Variants in BLOC1S5 observed in about 807,000 individuals in gnomAD.
The protein encoded by BLOC1S5 is biogenesis of lysosome-related organelles complex 1 subunit 5.
In BLOC1S5, 27 loss-of-function variants were observed where a neutral mutation model predicts 24.3. That is an observed-to-expected ratio of 1.11 (90% CI 0.82 to 1.53). BLOC1S5 has a LOEUF of 1.53. Among genes scored for constraint, BLOC1S5 ranks in the 40% most tolerant of loss-of-function variants. BLOC1S5 has a pLI of 0.00. For missense variants in BLOC1S5, 239 were observed against 229.4 expected (o/e 1.04, Z -0.27); for synonymous variants, 84 against 74.5 (o/e 1.13, Z -0.66).
chr6:8,048,322 C>A (rs1561867401), intron 2 of BLOC1S5, among the ~76,000 whole-genome samples: 1 of 152,238 alleles, frequency 6.6e-6, no homozygotes, highest in Non-Finnish European at 1.5e-5. Flanking sequence ...GGTGTCTAAC[C>A]TCCCACTGGG....
chr6:8,027,748 C>T (rs117367603), intron 3 of BLOC1S5, among the ~76,000 whole-genome samples: 1 of 151,366 alleles, frequency 6.6e-6, no homozygotes, highest in East Asian at 2.0e-4. Flanking sequence ...CCAAGACAAT[C>T]GCTCGAACCT....
chr6:8,043,213 G>C (rs1448710166), intron 2 of BLOC1S5, among the ~76,000 whole-genome samples: 2 of 152,108 alleles, frequency 1.3e-5, no homozygotes, highest in African/African-American at 4.8e-5. Context: ...ATGAGGGTGG[G>C]TTATACTTAG....
chr6:8,057,687 T>C (rs2294435), intron 2 of BLOC1S5, among the ~76,000 whole-genome samples: 23,826 of 152,252 alleles, frequency 0.16, 1,945 homozygotes, highest in Admixed American at 0.19. Flanking sequence ...GGAGATCAAG[T>C]GAAATTCCTG....
At chr6:8,030,362 G>A (rs1205716104) in intron 3 of BLOC1S5, among the ~76,000 whole-genome samples, 2 of 151,850 alleles carry the variant, frequency 1.3e-5, no homozygotes, top group African/African-American at 4.8e-5. Context: ...GTTTTACCAT[G>A]TTGGTCAGGC....
Position 8,064,382 on chromosome 6 carries a change from C to G in BLOC1S5, c.-6G>C, listed in dbSNP as rs759319418. On this transcript the variant is annotated 5_prime_UTR_variant, in exon 1 of 5. Coordinates refer to ENST00000397457, the MANE Select transcript of BLOC1S5 (RefSeq NM_201280.3). ...TCTGTCCCTCCGCCACTCATCCCGA[C>G]CAGTTCCGCCCACCCGCGGCCACGC... 6.2e-7 allele frequency: 1 copy of G among 1,605,412 alleles called. No individual in the cohort carries two copies. Among genetic ancestry groups the G allele is most frequent in the Non-Finnish European group, 8.5e-7 (1 of 1,177,866 alleles).
At chr6:8,048,423 G>C (rs1180381364) in intron 2 of BLOC1S5, among the ~76,000 whole-genome samples, 1 of 151,910 alleles carries the variant, frequency 6.6e-6, no homozygotes, top group Non-Finnish European at 1.5e-5. Flanking sequence ...GAGAAGGCTA[G>C]GAAATATGTA....
chr6:8,062,604 A>G lies in BLOC1S5; in HGVS notation c.125T>C (p.Ile42Thr). ...TCTGTGATCCAAAAGCCTTGAATGA[A>G]TTTCTCCAAGATCTATAAAGATAAA... ...AHLIIKDLGE[I>T]HSRLLDHRPV... The change falls in exon 2 of 5, where the codon ATT (isoleucine) becomes ACT (threonine). Residue 42 changes from isoleucine to threonine, a missense_variant. Transcript: ENST00000397457. 1 of 1,597,948 alleles carries G rather than the reference A, an allele frequency of 6.3e-7. No individual in the cohort carries two copies. The highest frequency in any genetic ancestry group is 8.6e-7 in the Non-Finnish European group (1 of 1,168,924).
intron 3 of BLOC1S5, among the ~76,000 whole-genome samples, chr6:8,027,814 C>A (rs1423966659): frequency 7.3e-6 from 1 of 137,834 alleles, no homozygotes; most frequent in African/African-American, 2.6e-5. Flanking sequence ...CAGAGCGAGA[C>A]TCCATCTCAA....
intron 2 of BLOC1S5, among the ~76,000 whole-genome samples, chr6:8,053,468 T>C (rs1028677157): frequency 2.6e-5 from 4 of 152,222 alleles, no homozygotes; most frequent in Admixed American, 6.5e-5. Flanking sequence ...AAAAAGATTA[T>C]GACTTGCTGA....
intron 3 of BLOC1S5, among the ~76,000 whole-genome samples, chr6:8,029,255 A>G (rs781498357): frequency 1.1e-4 from 17 of 152,186 alleles, no homozygotes; most frequent in Non-Finnish European, 1.5e-4. Flanking sequence ...GAACTCAAAC[A>G]TGAGGATAAG....
intron 2 of BLOC1S5, among the ~76,000 whole-genome samples, chr6:8,055,471 A>G (rs1554140578): frequency 2.0e-5 from 3 of 152,084 alleles, no homozygotes; most frequent in Non-Finnish European, 4.4e-5. Flanking sequence ...TTATAGTTCT[A>G]TTTTTTGTGT....
chr6:8,056,210 G>A (rs1217557593), intron 2 of BLOC1S5, among the ~76,000 whole-genome samples: 2 of 152,160 alleles, frequency 1.3e-5, no homozygotes, highest in Non-Finnish European at 2.9e-5. Context: ...TATTCTGTTA[G>A]AGCATCACGC....
chr6:8,027,934 T>A (rs528280938), intron 3 of BLOC1S5, among the ~76,000 whole-genome samples: 4 of 152,338 alleles, frequency 2.6e-5, no homozygotes, highest in African/African-American at 9.6e-5. Context: ...TTCCACTAAT[T>A]AAACTGTTTT....
chr6:8,047,463 A>G (rs1763945993), intron 2 of BLOC1S5, among the ~76,000 whole-genome samples: 1 of 152,172 alleles, frequency 6.6e-6, no homozygotes, highest in Non-Finnish European at 1.5e-5. Context: ...TTTTAATATC[A>G]AAGTAGTGTT....
At chr6:8,064,182 G>C (rs773372048) in intron 1 of BLOC1S5, 83 bp downstream of exon 1, 35 of 1,186,864 alleles carry the variant, frequency 2.9e-5, no homozygotes, top group African/African-American at 4.8e-5. Flanking sequence ...GGGACCCGGG[G>C]GTCGGCCCGG....
rs1218272003 is a variant in BLOC1S5 at position 8,041,271 on chromosome 6, A to G, written c.196-3T>C. 1.9e-6 allele frequency: 3 copies of G among 1,598,740 alleles called. No individual in the cohort carries two copies. Among genetic ancestry groups the G allele is most frequent in the Non-Finnish European group, 2.6e-6 (3 of 1,174,038 alleles). On this transcript the variant is annotated splice_polypyrimidine_tract_variant and splice_region_variant and intron_variant, in intron 2 of 4. Transcript: ENST00000397457. ...ATTTCTCGAAGACCACGTTTTTCCT[A>G]TTAAAAGAAAGTAGATGACTAATAA...
At chr6:8,053,794 C>T (rs953040566) in intron 2 of BLOC1S5, among the ~76,000 whole-genome samples, 1 of 152,130 alleles carries the variant, frequency 6.6e-6, no homozygotes, top group African/African-American at 2.4e-5. Flanking sequence ...CACACACATA[C>T]ATAATATATA....
intron 3 of BLOC1S5, among the ~76,000 whole-genome samples, chr6:8,037,129 C>T (rs1328687637): frequency 6.6e-6 from 1 of 152,118 alleles, no homozygotes; most frequent in African/African-American, 2.4e-5. Flanking sequence ...GAAAGTACTG[C>T]CAGGGCAATT....
At chr6:8,045,868 G>C (rs1381866569) in intron 2 of BLOC1S5, among the ~76,000 whole-genome samples, 1 of 152,202 alleles carries the variant, frequency 6.6e-6, no homozygotes, top group Non-Finnish European at 1.5e-5. Context: ...GCTTACAGGT[G>C]AAAGGGACTT....
Sources: allele counts gnomAD v4.1 joint callset (sites outside exome capture counted in the v4.1 genomes callset), GRCh38; gene constraint gnomAD v4.1.1; transcripts MANE v1.5; gene names NCBI Gene and HGNC (gene_info 2026-07-23, HGNC 2026-07-21).